The following EDIL3 variants were observed in gnomAD, a reference collection of about 807,000 sequenced individuals.
EDIL3 encodes EGF-like repeat and discoidin I-like domain-containing protein 3.
A neutral mutation model predicts 67.4 loss-of-function variants in EDIL3; 37 were observed. The ratio of observed to expected loss-of-function variants is 0.55; its 90% CI spans 0.42 to 0.72. EDIL3 has a LOEUF of 0.72. Among genes scored for constraint, EDIL3 ranks in the 30% least tolerant of loss-of-function variants. The pLI is 0.00. For synonymous variants in EDIL3, 195 were observed against 196.3 expected (o/e 0.99, Z 0.05); for missense variants, 527 against 586.3 (o/e 0.90, Z 1.04).
chr5:84,161,266 T>G (rs1437611144), intron 4 of EDIL3, among the ~76,000 whole-genome samples: 1 of 152,058 alleles, frequency 6.6e-6, no homozygotes, highest in Non-Finnish European at 1.5e-5. Flanking sequence ...ATAGATAAAC[T>G]GTTCCCAACA....
At chr5:84,224,839 A>T (rs1744417799) in intron 3 of EDIL3, among the ~76,000 whole-genome samples, 1 of 151,532 alleles carries the variant, frequency 6.6e-6, no homozygotes, top group Non-Finnish European at 1.5e-5. Context: ...TAGTTTCCAA[A>T]AATTATTTGT....
At chr5:84,334,958 A>T (rs763225590) in intron 1 of EDIL3, among the ~76,000 whole-genome samples, 1 of 152,162 alleles carries the variant, frequency 6.6e-6, no homozygotes, top group Non-Finnish European at 1.5e-5. Context: ...TGCAATTGTA[A>T]TTAGAAGACA....
Position 83,963,199 on chromosome 5 carries a change from A to G in EDIL3, c.1293+6T>C, listed in dbSNP as rs1438889331. 3.8e-6 allele frequency: 6 copies of G among 1,587,722 alleles called. No individual in the cohort carries two copies. The highest frequency in any genetic ancestry group is 1.4e-5 in the African/African-American group (1 of 73,320). On this transcript the variant is annotated splice_donor_region_variant and intron_variant, in intron 10 of 10. Transcript: ENST00000296591. ...TGAACTTTATAAACCGATTTGGCTG[A>G]CTTACCTTATCTTTTCTTTGCTTTT... is the stretch of plus-strand genomic sequence containing the variant.
At chr5:84,072,728 C>A (rs531400449) in intron 6 of EDIL3, among the ~76,000 whole-genome samples, 1 of 152,038 alleles carries the variant, frequency 6.6e-6, no homozygotes, top group African/African-American at 2.4e-5. Context: ...TATAAATAGG[C>A]ATCTAAGTAA....
intron 1 of EDIL3, among the ~76,000 whole-genome samples, chr5:84,382,284 C>T (rs777153505): frequency 2.0e-5 from 3 of 152,192 alleles, no homozygotes; most frequent in Non-Finnish European, 4.4e-5. Flanking sequence ...GCAACATCTC[C>T]ATGGTTGGCT....
At chr5:84,341,415 A>G (rs1175247154) in intron 1 of EDIL3, among the ~76,000 whole-genome samples, 1 of 152,120 alleles carries the variant, frequency 6.6e-6, no homozygotes, top group African/African-American at 2.4e-5. Flanking sequence ...ACTATAAGTG[A>G]AAAAATTTAC....
intron 9 of EDIL3, among the ~76,000 whole-genome samples, chr5:84,050,765 GA>G (rs1746320601): frequency 6.6e-6 from 1 of 152,202 alleles, no homozygotes; most frequent in African/African-American, 2.4e-5. Context: ...GAGGCTGGGG[GA>G]GGGGTGTTCC....
intron 1 of EDIL3, among the ~76,000 whole-genome samples, chr5:84,343,487 T>C (rs1361008353): frequency 6.6e-6 from 1 of 152,116 alleles, no homozygotes; most frequent in Non-Finnish European, 1.5e-5. Flanking sequence ...AATTTTCTAG[T>C]TGATCTATTG....
chr5:84,217,976 A>T (rs1319063184), intron 3 of EDIL3, among the ~76,000 whole-genome samples: 4 of 152,184 alleles, frequency 2.6e-5, no homozygotes, highest in Non-Finnish European at 5.9e-5. Flanking sequence ...AACAGCACAC[A>T]ATCTAAGTAT....
At chr5:84,308,758 TATC>T (rs1307326423) in intron 1 of EDIL3, among the ~76,000 whole-genome samples, 2 of 152,212 alleles carry the variant, frequency 1.3e-5, no homozygotes, top group African/African-American at 2.4e-5. Context: ...TTTTAAATAA[TATC>T]ATTTGTATAA....
chr5:84,316,314 G>A (rs1746510720), intron 1 of EDIL3, among the ~76,000 whole-genome samples: 1 of 152,028 alleles, frequency 6.6e-6, no homozygotes, highest in Admixed American at 6.5e-5. Flanking sequence ...ATACAGACAG[G>A]CAAACTGGAT....
At position 84,106,789 on chromosome 5, in the gene EDIL3, T is replaced by G. The variant is rs1561433422; in HGVS notation, c.511A>C (p.Asn171His). The part of the protein sequence containing the change: ...PLGIEGGIIS[N>H]QQITASSTHR... ...GTAGAGGAAGCTGTGATTTGCTGGT[T>G]TGATATAATTCCACCTTCAATTCCC... Residue 171 changes from asparagine (N) to histidine (H), a missense_variant, in exon 6 of 11, where the codon AAC becomes CAC. Asn to His is a moderately conservative substitution (Grantham distance 68). Around this residue, in one of 2 missense-constraint regions of EDIL3, gnomAD observed 494 missense variants for 522.5 expected, o/e 0.95. Coordinates refer to ENST00000296591, the MANE Select transcript of EDIL3 (RefSeq NM_005711.5). 1 of 1,611,350 alleles carries G rather than the reference T, an allele frequency of 6.2e-7. No individual in the cohort carries two copies.
intron 1 of EDIL3, among the ~76,000 whole-genome samples, chr5:84,273,927 T>G (rs1003808013): frequency 4.6e-5 from 7 of 152,166 alleles, no homozygotes; most frequent in Non-Finnish European, 8.8e-5. Context: ...TTGTTAATAT[T>G]CTTCCCAGTG....
chr5:84,106,907 G>T, intron 5 of EDIL3, 77 bp from the exon 6 acceptor site: 1 of 1,433,798 alleles, frequency 7.0e-7, no homozygotes, highest in Non-Finnish European at 9.3e-7. Flanking sequence ...CGATTTGATA[G>T]GATTTTTTTA....
At chr5:84,029,839 A>G (rs1745886031) in intron 9 of EDIL3, among the ~76,000 whole-genome samples, 2 of 152,202 alleles carry the variant, frequency 1.3e-5, no homozygotes, top group South Asian at 4.1e-4. Context: ...AACACTTTAA[A>G]AGATCTATTT....
At chr5:84,027,910 T>G (rs1580286746) in intron 9 of EDIL3, among the ~76,000 whole-genome samples, 1 of 152,156 alleles carries the variant, frequency 6.6e-6, no homozygotes, top group African/African-American at 2.4e-5. Context: ...ATGTTGTCTC[T>G]GAGGAATTTA....
chr5:84,332,539 A>G (rs1234607185), intron 1 of EDIL3, among the ~76,000 whole-genome samples: 1 of 152,238 alleles, frequency 6.6e-6, no homozygotes, highest in African/African-American at 2.4e-5. Context: ...AAGGAACTTA[A>G]AAGAATCTCC....
At chr5:84,079,510 G>A (rs1257641720) in intron 6 of EDIL3, among the ~76,000 whole-genome samples, 2 of 152,036 alleles carry the variant, frequency 1.3e-5, no homozygotes, top group Non-Finnish European at 2.9e-5. Context: ...TCACCGTTTT[G>A]TGACCAGAAG....
intron 9 of EDIL3, among the ~76,000 whole-genome samples, chr5:84,023,651 A>G: frequency 6.6e-6 from 1 of 152,024 alleles, no homozygotes; most frequent in East Asian, 1.9e-4. Flanking sequence ...TAAATGAAAA[A>G]AATGCATTTG....
Sources: gnomAD v4.1 joint callset for allele counts (sites outside exome capture counted in the v4.1 genomes callset) on GRCh38, gnomAD v4.1.1 for gene constraint, gnomAD v4.1.1 regional missense constraint, MANE v1.5 for transcripts, NCBI Gene and HGNC (gene_info 2026-07-23, HGNC 2026-07-21) for gene names.